The following TBX22 variants were observed in gnomAD, a reference collection of about 807,000 sequenced individuals.
TBX22 encodes the protein T-box transcription factor TBX22.
TBX22 carries 8 observed loss-of-function variants against 30.1 expected under a neutral mutation model. The observed-to-expected ratio is 0.27, with a 90% CI of 0.16 to 0.48. The LOEUF is 0.48. Among genes scored for constraint, TBX22 ranks in the 20% least tolerant of loss-of-function variants. TBX22 has a pLI of 0.99. For missense variants in TBX22, 463 were observed against 400.5 expected, an observed-to-expected ratio of 1.16 and a Z score of -1.33; for synonymous variants, 173 against 149.1, an observed-to-expected ratio of 1.16 and a Z score of -1.17.
chrX:80,031,595 C>A lies in TBX22; in HGVS notation c.*484C>A, dbSNP rs982910003. The A allele has an allele frequency of 3.5e-5, 4 of 115,871 alleles. No individual in the cohort carries two copies. Among genetic ancestry groups the A allele is most frequent in the African/African-American group, 1.3e-4 (4 of 30,737 alleles). 9.5% of individuals were successfully genotyped at this position (115,871 alleles called of 1,213,427 possible). A position where few individuals can be genotyped will look rare whatever the true frequency, so the allele number is the denominator to read the frequency against. On this transcript the variant is annotated 3_prime_UTR_variant, in exon 9 of 9. Coordinates refer to ENST00000373296, the MANE Select transcript of TBX22 (RefSeq NM_001109878.2). Reference sequence around the variant, plus strand: ...ATTTAATTATTTGTTTGCCTCATGCCTTTATACTTTGCTGTTGAAGAAACT... The same window carrying A: ...ATTTAATTATTTGTTTGCCTCATGCATTTATACTTTGCTGTTGAAGAAACT...
chrX:80,016,896 C>A (rs1214223788), intron 1 of TBX22, among the ~76,000 whole-genome samples: 4 of 107,298 alleles, frequency 3.7e-5, no homozygotes, highest in African/African-American at 1.4e-4. Context: ...ATCCCAGCTA[C>A]TCAGGAGGCT....
At chrX:80,017,666 C>T (rs946539949) in intron 1 of TBX22, among the ~76,000 whole-genome samples, 1 of 111,477 alleles carries the variant, frequency 9.0e-6, no homozygotes, top group African/African-American at 3.3e-5. Flanking sequence ...TTCGTTTATT[C>T]ATTTATCCTG....
At position 80,022,376 on chromosome X, in the gene TBX22, G is replaced by C; in HGVS notation, c.107G>C (p.Arg36Pro). The part of the protein sequence containing the change: ...DPIQAEQPEL[R>P]EKKGGEEEEE... Reference sequence around the variant, plus strand: ...ATACAGGCGGAGCAGCCTGAGCTGCGGGAGAAAAAGGGCGGAGAGGAAGAG... The same window carrying C: ...ATACAGGCGGAGCAGCCTGAGCTGCCGGAGAAAAAGGGCGGAGAGGAAGAG... The change falls in exon 2 of 9, where the codon CGG becomes CCG. Residue 36 changes from arginine (R) to proline (P), a missense_variant. Transcript: ENST00000373296. 3.3e-6 allele frequency: 4 copies of C among 1,209,694 alleles called. No individual in the cohort carries two copies. The highest frequency in any genetic ancestry group is 4.5e-6 in the Non-Finnish European group (4 of 894,398).
intron 1 of TBX22, among the ~76,000 whole-genome samples, chrX:80,021,896 G>C (rs1923710813): frequency 8.9e-6 from 1 of 111,848 alleles, no homozygotes; most frequent in African/African-American, 3.3e-5. Flanking sequence ...AGGGATTTGA[G>C]GACTAATGGT....
chrX:80,030,461 C>A (rs1569300655), intron 8 of TBX22, 37 bp from the exon 9 acceptor site: 10 of 1,206,979 alleles, frequency 8.3e-6, no homozygotes, highest in Non-Finnish European at 1.0e-5. Flanking sequence ...CATCAAATGT[C>A]AAGTTCATTA....
At position 80,028,071 on chromosome X, in the gene TBX22, C is replaced by A; in HGVS notation, c.944C>A (p.Thr315Lys). 1 of 1,207,080 alleles carries A rather than the reference C, an allele frequency of 8.3e-7. No individual in the cohort carries two copies. The highest frequency in any genetic ancestry group is 3.0e-5 in the East Asian group (1 of 33,741). The change falls in exon 8 of 9, where the codon ACA (threonine) becomes AAA (lysine). Residue 315 changes from threonine (T) to lysine (K), a missense_variant. By Grantham distance (78) the Thr-to-Lys change is moderately conservative (BLOSUM62 -1). Transcript: ENST00000373296. ...GATTTTAAAACCTTTGGCGCAGACA[C>A]ACAAAGTAAGAAAACTTGGAACGTT... ...TLDFKTFGAD[T>K]QSGSSGSSPV... is the part of the protein sequence containing the mutation.
At position 80,030,834 on chromosome X, in the gene TBX22, C is replaced by G; in HGVS notation, c.1286C>G (p.Ser429Cys). Residue 429 changes from serine (S) to cysteine (C), a missense_variant, in exon 9 of 9, where the codon TCC (serine) becomes TGC (cysteine). Coordinates refer to ENST00000373296, the MANE Select transcript of TBX22 (RefSeq NM_001109878.2). The stretch of plus-strand genomic sequence containing the variant: ...TCAAAAAGCGGTTCATCTGAAGACT[C>G]CAGTGATCAGTATCTACAAGCACCT... ...TNSKSGSSEDSSDQYLQAPNS... is the reference protein window; with the variant it reads ...TNSKSGSSEDCSDQYLQAPNS... 2 of 1,211,673 alleles carry G rather than the reference C, an allele frequency of 1.7e-6. No individual in the cohort carries two copies. The highest frequency in any genetic ancestry group is 3.5e-5 in the South Asian group (2 of 57,020).
intron 8 of TBX22, 52 bp from the exon 9 acceptor site, chrX:80,030,446 A>C: frequency 8.4e-7 from 1 of 1,193,265 alleles, no homozygotes; most frequent in Non-Finnish European, 1.1e-6. Context: ...CTAATATTGC[A>C]GGAACATCAA....
At chrX:80,022,136 T>G in intron 1 of TBX22, 132 bp from the exon 2 acceptor site, 1 of 598,827 alleles carries the variant, frequency 1.7e-6, no homozygotes, top group Non-Finnish European at 2.6e-6. Context: ...GGGGTTTTGT[T>G]TTGTTTTGTT....
intron 4 of TBX22, among the ~76,000 whole-genome samples, chrX:80,024,799 A>T (rs779189876): frequency 1.1e-3 from 124 of 111,782 alleles, no homozygotes; most frequent in African/African-American, 3.9e-3. Context: ...TTTTAAAGCC[A>T]AAAAGCCCTT....
chrX:80,020,689 TACC>T (rs1310463644), intron 1 of TBX22, among the ~76,000 whole-genome samples: 1 of 111,425 alleles, frequency 9.0e-6, no homozygotes, highest in East Asian at 2.8e-4. Flanking sequence ...AATATCCCCC[TACC>T]ACCACCACTA....
chrX:80,027,450 C>T (rs1924036452), intron 7 of TBX22, 130 bp downstream of exon 7: 1 of 408,144 alleles, frequency 2.5e-6, no homozygotes. Context: ...ACGATCTCAG[C>T]TCACTGCAAC....
At position 80,026,581 on chromosome X, in the gene TBX22, A is replaced by G. The variant is rs967899390; in HGVS notation, c.634-123A>G. On this transcript the variant is annotated intron_variant, in intron 5 of 8. Transcript: ENST00000373296. Reference sequence around the variant, plus strand: ...CTGTTGGAGGCCAAATGGCACAACAAAGTAGTTACCTAAGCTTCATCATTG... The same window carrying G: ...CTGTTGGAGGCCAAATGGCACAACAGAGTAGTTACCTAAGCTTCATCATTG... 2.6e-5 allele frequency: 20 copies of G among 756,560 alleles called. No homozygotes were observed. In the Admixed American group the frequency reaches 4.4e-4, roughly 17 times the overall value. 62.3% of individuals were successfully genotyped at this position (756,560 alleles called of 1,213,427 possible).
At position 80,024,084 on chromosome X, in the gene TBX22, G is replaced by T; in HGVS notation, c.378G>T (p.Arg126=). ...KAGRRMFPSV[R]VKVKGLDPGK... ...ACAGGCGGATGTTCCCCTCTGTTCGGGTCAAGGTGAAAGGGTTGGATCCAG... is the reference window on the plus strand; with the variant it reads ...ACAGGCGGATGTTCCCCTCTGTTCGTGTCAAGGTGAAAGGGTTGGATCCAG... The change falls in exon 4 of 9, where the codon CGG becomes CGT. Residue 126 remains arginine, a synonymous_variant. Coordinates refer to ENST00000373296, the MANE Select transcript of TBX22 (RefSeq NM_001109878.2). 4 of 1,211,051 alleles carry T rather than the reference G, an allele frequency of 3.3e-6. No homozygotes were observed. In the South Asian group the frequency reaches 5.3e-5, roughly 16 times the overall value.
chrX:80,016,842 C>T (rs1010857019), intron 1 of TBX22, among the ~76,000 whole-genome samples: 2 of 109,499 alleles, frequency 1.8e-5, no homozygotes, highest in Admixed American at 9.7e-5. Flanking sequence ...CCCGTCTCTA[C>T]TAAAAATACA....
At position 80,026,992 on chromosome X, in the gene TBX22, G is replaced by A; in HGVS notation, c.798+124G>A. On this transcript the variant is annotated intron_variant, in intron 6 of 8. Coordinates refer to ENST00000373296, the MANE Select transcript of TBX22 (RefSeq NM_001109878.2). ...TCTAAATAAAAATCATAGTTTTATT[G>A]TATTGTCATCCATGCAAGTTTGATA... The A allele has an allele frequency of 4.0e-6, 3 of 759,493 alleles. No homozygotes were observed. In the South Asian group the frequency reaches 6.8e-5, roughly 17 times the overall value. The allele number at this position is 759,493 out of a possible 1,213,427, so 62.6% of individuals were successfully genotyped here.
At chrX:80,019,880 A>T (rs1243762729) in intron 1 of TBX22, among the ~76,000 whole-genome samples, 14 of 111,872 alleles carry the variant, frequency 1.3e-4, no homozygotes, top group African/African-American at 4.2e-4. Context: ...ACTAAATTAC[A>T]TGCATGTAAT....
At chrX:80,016,029 T>C (rs746637078) in intron 1 of TBX22, among the ~76,000 whole-genome samples, 1 of 111,539 alleles carries the variant, frequency 9.0e-6, no homozygotes, top group South Asian at 3.8e-4. Context: ...TGTTTGCCTA[T>C]ATTTGGTGTT....
At position 80,022,414 on chromosome X, in the gene TBX22, A is replaced by C. The variant is rs752888029; in HGVS notation, c.145A>C (p.Ser49Arg). 8.4e-7 allele frequency: 1 copy of C among 1,196,802 alleles called. No homozygotes were observed. The highest frequency in any genetic ancestry group is 1.8e-5 in the African/African-American group (1 of 56,745). The change falls in exon 2 of 9, where the codon AGC (serine) becomes CGC (arginine). Residue 49 changes from serine to arginine, a missense_variant. Physicochemically the swap from Ser to Arg is moderately radical, Grantham distance 110. Transcript: ENST00000373296. ...CGGAGAGGAAGAGGAGGAGAGAAGG[A>C]GCAGCGCTGCAGGGAAGAGCGAGCC... ...KGGEEEEERR[S>R]SAAGKSEPLE... is the part of the protein sequence containing the mutation.
Sources: allele counts gnomAD v4.1 joint callset (sites outside exome capture counted in the v4.1 genomes callset), GRCh38; gene constraint gnomAD v4.1.1; transcripts MANE v1.5; gene names NCBI Gene and HGNC (gene_info 2026-07-23, HGNC 2026-07-21).